ACOT1: variants seen among roughly 807,000 people sequenced by gnomAD.
ACOT1 encodes acyl-coenzyme A thioesterase 1.
In ACOT1, 8 loss-of-function variants were observed where a neutral mutation model predicts 15.7. That is an observed-to-expected ratio of 0.51 (90% CI 0.30 to 0.92). The LOEUF is 0.92. Ranked by LOEUF, ACOT1 falls within the 40% of genes least tolerant of loss-of-function variation. The pLI, the probability that ACOT1 is intolerant of heterozygous loss-of-function variation, is 0.06. For synonymous variants in ACOT1, 67 were observed against 241.2 expected (o/e 0.28, Z 6.69); for missense variants, 151 against 539.4 (o/e 0.28, Z 7.13).
the ACOT1 span, among the ~76,000 whole-genome samples, chr14:73,494,226 A>G: frequency 6.6e-6 from 1 of 152,244 alleles, no homozygotes; most frequent in African/African-American, 2.4e-5. Context: ...TGTACCAGAA[A>G]GAGCACTGGA....
chr14:73,523,128 T>C, the ACOT1 span: 8 of 1,602,468 alleles, frequency 5.0e-6, no homozygotes, highest in Admixed American at 1.3e-4. Context: ...GGGAGAAAGG[T>C]CTTTCCCTTC....
chr14:73,497,191 C>T, the ACOT1 span, among the ~76,000 whole-genome samples: 1 of 151,490 alleles, frequency 6.6e-6, no homozygotes, highest in Non-Finnish European at 1.5e-5. Flanking sequence ...CCACTGCACC[C>T]GGCCATGCCC....
the ACOT1 span, chr14:73,490,975 C>G: frequency 7.6e-7 from 1 of 1,317,136 alleles, no homozygotes; most frequent in Non-Finnish European, 9.7e-7. Context: ...GCTTTAGCTT[C>G]GCCCCCGGCC....
At chr14:73,509,342 G>T in the ACOT1 span, 1 of 1,614,088 alleles carries the variant, frequency 6.2e-7, no homozygotes, top group Non-Finnish European at 8.5e-7. Context: ...ATGATGTTCC[G>T]GGCAAGGGGA....
chr14:73,499,172 G>A, the ACOT1 span: 17 of 1,591,256 alleles, frequency 1.1e-5, no homozygotes, highest in African/African-American at 1.7e-4. Context: ...TGAGTGGGGA[G>A]GACCAGAGCA....
the ACOT1 span, chr14:73,496,794 T>C: frequency 1.5e-6 from 1 of 658,294 alleles, no homozygotes; most frequent in Non-Finnish European, 2.7e-6. Context: ...ATCCTAACTG[T>C]GCAGTTTTGC....
chr14:73,508,143 A>G, the ACOT1 span: 1 of 1,613,988 alleles, frequency 6.2e-7, no homozygotes, highest in Non-Finnish European at 8.5e-7. Flanking sequence ...CTGTCTTCTC[A>G]CTCAGATAGC....
intron 1 of ACOT1, among the ~76,000 whole-genome samples, chr14:73,538,462 A>G (rs34239207): frequency 0.054 from 5,995 of 111,986 alleles, 1,500 homozygotes; most frequent in African/African-American, 0.17. Flanking sequence ...AAATACAAAA[A>G]ATTAGCCGGG....
the ACOT1 span, among the ~76,000 whole-genome samples, chr14:73,494,204 A>G: frequency 6.6e-6 from 1 of 152,220 alleles, no homozygotes. Flanking sequence ...TGGTTGGTGG[A>G]AAAGTGCCTG....
At chr14:73,522,016 G>T in the ACOT1 span, among the ~76,000 whole-genome samples, 1 of 152,204 alleles carries the variant, frequency 6.6e-6, no homozygotes, top group Admixed American at 6.5e-5. Context: ...TGCTCTGGTG[G>T]GTATGAGCCA....
chr14:73,524,310 A>AAAATATATAT, the ACOT1 span, among the ~76,000 whole-genome samples: 49 of 54,780 alleles, frequency 8.9e-4, 1 homozygote, highest in Non-Finnish European at 1.2e-3. Flanking sequence ...AAAAAAAAAA[A>AAAATATATAT]ATATATATAT....
At chr14:73,491,816 T>C in the ACOT1 span, 2 of 1,603,910 alleles carry the variant, frequency 1.2e-6, no homozygotes, top group Non-Finnish European at 1.7e-6. Context: ...CGCCGCTCGC[T>C]ACATCAACGG....
At chr14:73,523,320 G>A in the ACOT1 span, 1 of 618,302 alleles carries the variant, frequency 1.6e-6, no homozygotes, top group Non-Finnish European at 2.7e-6. Context: ...AAAAACAGAT[G>A]GAAAGGGGGT....
chr14:73,503,110 G>C, the ACOT1 span: 1 of 932,602 alleles, frequency 1.1e-6, no homozygotes, highest in Non-Finnish European at 1.7e-6. Context: ...ACTCATCACT[G>C]TACTAATGAG....
the ACOT1 span, among the ~76,000 whole-genome samples, chr14:73,517,074 A>G: frequency 2.0e-5 from 3 of 152,248 alleles, no homozygotes; most frequent in African/African-American, 7.2e-5. Flanking sequence ...TGTGGCCAGG[A>G]GTTCGAGACC....
At chr14:73,538,176 G>A (rs2140310968) in intron 1 of ACOT1, among the ~76,000 whole-genome samples, 1 of 113,438 alleles carries the variant, frequency 8.8e-6, no homozygotes, top group South Asian at 2.8e-4. Context: ...TTTCGTCCCT[G>A]CGCTTTTCAT....
the ACOT1 span, among the ~76,000 whole-genome samples, chr14:73,526,650 GC>G: frequency 6.6e-6 from 1 of 152,194 alleles, no homozygotes; most frequent in Non-Finnish European, 1.5e-5. Context: ...CTGATTCCAG[GC>G]CTTTGCTCCT....
rs1271140371 is a variant in ACOT1, at chr14:73,542,835, T to C, written c.661-215T>C. On this transcript the variant is annotated intron_variant, in intron 2 of 2. Transcript: ENST00000311148. The stretch of plus-strand genomic sequence containing the variant: ...GGAACTGAGAAACCAGAGTAATTGA[T>C]AGATCTTCCACATGGTTATCACCAA... Among the ~76,000 whole-genome samples, 56 of 112,084 alleles carry C rather than the reference T, an allele frequency of 5.0e-4. 14 individuals are homozygous for C. Among genetic ancestry groups the C allele is most frequent in the Admixed American group, 1.8e-3 (18 of 10,006 alleles). The allele number at this position is 112,084 out of a possible 152,430, so 73.5% of individuals were successfully genotyped here. A position where few individuals can be genotyped will look rare whatever the true frequency, so the allele number is the denominator to read the frequency against.
chr14:73,497,227 G>C, the ACOT1 span, among the ~76,000 whole-genome samples: 3 of 151,132 alleles, frequency 2.0e-5, no homozygotes, highest in African/African-American at 7.3e-5. Context: ...TTTTAGTAGA[G>C]ACAGGTTTCA....
Sources: gnomAD v4.1 joint callset for allele counts (sites outside exome capture counted in the v4.1 genomes callset) on GRCh38, gnomAD v4.1.1 for gene constraint, MANE v1.5 for transcripts, NCBI Gene and HGNC (gene_info 2026-07-23, HGNC 2026-07-21) for gene names.